Variants in CSMD1 observed in about 807,000 individuals in gnomAD.
The protein encoded by CSMD1 is CUB and sushi domain-containing protein 1.
CSMD1 carries 213 observed loss-of-function variants against 417.5 expected under a neutral mutation model. The ratio of observed to expected loss-of-function variants is 0.51; its 90% CI spans 0.46 to 0.57. CSMD1 has a LOEUF of 0.57. Ranked by LOEUF, CSMD1 falls within the 20% of genes least tolerant of loss-of-function variation. The pLI, the probability that CSMD1 is intolerant of heterozygous loss-of-function variation, is 0.00. For synonymous variants in CSMD1, 2,862 were observed against 1,736.8 expected (o/e 1.65, Z -16.11); for missense variants, 6,923 against 4,529.7 (o/e 1.53, Z -15.17).
At chr8:3,936,354 C>A (rs2688304) in intron 5 of CSMD1, among the ~76,000 whole-genome samples, 119,228 of 152,106 alleles carry the variant, frequency 0.78, 46,834 homozygotes, top group Middle Eastern at 0.81. Flanking sequence ...TATTAGAAGA[C>A]GATACCATCT....
chr8:4,961,929 T>G (rs1247738041), intron 1 of CSMD1, among the ~76,000 whole-genome samples: 2 of 152,076 alleles, frequency 1.3e-5, no homozygotes, highest in African/African-American at 4.8e-5. Flanking sequence ...TTTTATTCAG[T>G]TATAACATTT....
intron 12 of CSMD1, among the ~76,000 whole-genome samples, chr8:3,453,443 G>A (rs1009771002): frequency 6.6e-6 from 1 of 151,920 alleles, no homozygotes; most frequent in African/African-American, 2.4e-5. Context: ...TCTCTTGTGG[G>A]CATTTAGTGC....
chr8:3,236,666 C>T (rs1340183987), intron 26 of CSMD1, among the ~76,000 whole-genome samples: 4 of 152,180 alleles, frequency 2.6e-5, no homozygotes, highest in Non-Finnish European at 4.4e-5. Context: ...TGGCAGAGCA[C>T]GCTGTCATTC....
At chr8:4,565,380 C>T (rs1798541710) in intron 2 of CSMD1, among the ~76,000 whole-genome samples, 1 of 151,990 alleles carries the variant, frequency 6.6e-6, no homozygotes, top group African/African-American at 2.4e-5. Context: ...TGTGGTATGC[C>T]CACACTTAAC....
chr8:2,978,928 T>C, intron 54 of CSMD1, 128 bp from the exon 55 acceptor site: 1 of 773,034 alleles, frequency 1.3e-6, no homozygotes. Flanking sequence ...TGGCTGAGGC[T>C]CATGAAATTC....
intron 18 of CSMD1, among the ~76,000 whole-genome samples, chr8:3,374,813 T>C (rs978824075): frequency 6.6e-6 from 1 of 152,106 alleles, no homozygotes; most frequent in Non-Finnish European, 1.5e-5. Context: ...TTTAGTTATT[T>C]ATTGTCTTCC....
At chr8:4,354,599 C>A (rs1449328932) in intron 3 of CSMD1, among the ~76,000 whole-genome samples, 2 of 152,046 alleles carry the variant, frequency 1.3e-5, no homozygotes, top group Non-Finnish European at 2.9e-5. Context: ...ACCTTACCAC[C>A]TTCTCCTTGA....
At chr8:2,967,077 T>A (rs1804034673) in intron 57 of CSMD1, among the ~76,000 whole-genome samples, 1 of 152,202 alleles carries the variant, frequency 6.6e-6, no homozygotes, top group African/African-American at 2.4e-5. Flanking sequence ...ATTTGGGGAT[T>A]GAATGTTTTT....
At chr8:4,390,623 C>T (rs1479333520) in intron 3 of CSMD1, among the ~76,000 whole-genome samples, 1 of 152,008 alleles carries the variant, frequency 6.6e-6, no homozygotes. Flanking sequence ...ACGCCATTCT[C>T]CTGCCTCAGC....
chr8:3,073,975 C>T (rs1481617423), intron 49 of CSMD1, among the ~76,000 whole-genome samples: 1 of 152,186 alleles, frequency 6.6e-6, no homozygotes, highest in Non-Finnish European at 1.5e-5. Flanking sequence ...AAACAGCACA[C>T]ATTTATTCCA....
At chr8:4,020,279 G>A (rs1008724639) in intron 4 of CSMD1, among the ~76,000 whole-genome samples, 1 of 152,190 alleles carries the variant, frequency 6.6e-6, no homozygotes, top group African/African-American at 2.4e-5. Flanking sequence ...TTTGCCCCAG[G>A]TGACCAGTGC....
At chr8:4,898,713 T>C (rs1363818755) in intron 1 of CSMD1, among the ~76,000 whole-genome samples, 1 of 152,182 alleles carries the variant, frequency 6.6e-6, no homozygotes, top group African/African-American at 2.4e-5. Context: ...GATTTTATTA[T>C]ATAGTCCTTG....
At chr8:3,949,833 C>T (rs550049308) in intron 5 of CSMD1, 116 of 445,560 alleles carry the variant, frequency 2.6e-4, no homozygotes, top group African/African-American at 2.3e-3. Flanking sequence ...TTCCATCTTT[C>T]ATTGATTGAG....
At chr8:4,003,606 G>C (rs1050132170) in intron 4 of CSMD1, among the ~76,000 whole-genome samples, 3 of 152,022 alleles carry the variant, frequency 2.0e-5, no homozygotes, top group Admixed American at 6.6e-5. Flanking sequence ...ACACTGAAAT[G>C]CCTTCTAATA....
intron 1 of CSMD1, among the ~76,000 whole-genome samples, chr8:4,947,005 T>G (rs1808414299): frequency 6.6e-6 from 1 of 152,230 alleles, no homozygotes; most frequent in Admixed American, 6.5e-5. Flanking sequence ...ATCCAAATGC[T>G]AAACAATCAG....
At chr8:3,040,188 T>A (rs1810993000) in intron 50 of CSMD1, among the ~76,000 whole-genome samples, 1 of 152,106 alleles carries the variant, frequency 6.6e-6, no homozygotes, top group African/African-American at 2.4e-5. Flanking sequence ...ACATCCAAAC[T>A]TTATGTTCTG....
chr8:4,303,965 C>A (rs1350866132), intron 3 of CSMD1, among the ~76,000 whole-genome samples: 1 of 152,170 alleles, frequency 6.6e-6, no homozygotes, highest in Non-Finnish European at 1.5e-5. Context: ...TTCCCTCTTC[C>A]TTTTGCCTCC....
intron 2 of CSMD1, among the ~76,000 whole-genome samples, chr8:4,595,492 A>G (rs1486218144): frequency 6.6e-6 from 1 of 152,028 alleles, no homozygotes; most frequent in Non-Finnish European, 1.5e-5. Flanking sequence ...AGTCCTCTCA[A>G]ATGGTGGCAA....
intron 1 of CSMD1, among the ~76,000 whole-genome samples, chr8:4,800,355 T>G (rs1290731609): frequency 6.8e-6 from 1 of 147,740 alleles, no homozygotes; most frequent in Non-Finnish European, 1.5e-5. Flanking sequence ...TTCTTGAACC[T>G]GGGAGGTGGA....
Sources: gnomAD v4.1 joint callset for allele counts (sites outside exome capture counted in the v4.1 genomes callset) on GRCh38, gnomAD v4.1.1 for gene constraint, MANE v1.5 for transcripts, NCBI Gene and HGNC (gene_info 2026-07-23, HGNC 2026-07-21) for gene names.